Variants in DCC observed in about 807,000 individuals in gnomAD.
DCC encodes netrin receptor DCC.
DCC carries 58 observed loss-of-function variants against 172.5 expected under a neutral mutation model. The ratio of observed to expected loss-of-function variants is 0.34; its 90% CI spans 0.27 to 0.42. The LOEUF (loss-of-function observed/expected upper bound fraction) is 0.42, where lower values mean the gene tolerates loss of function less well. Among genes scored for constraint, DCC ranks in the 10% least tolerant of loss-of-function variants. DCC has a pLI of 1.00. For missense variants in DCC, 1,740 were observed against 1,791.0 expected, an observed-to-expected ratio of 0.97 and a Z score of 0.51; for synonymous variants, 709 against 644.5, an observed-to-expected ratio of 1.10 and a Z score of -1.52.
intron 2 of DCC, among the ~76,000 whole-genome samples, chr18:52,890,663 T>C (rs574534623): frequency 2.8e-4 from 43 of 152,258 alleles, no homozygotes; most frequent in African/African-American, 9.9e-4. Flanking sequence ...TAGTTCTATA[T>C]CTAAGACTCA....
At chr18:52,437,480 G>T (rs1282819663) in intron 1 of DCC, among the ~76,000 whole-genome samples, 1 of 152,142 alleles carries the variant, frequency 6.6e-6, no homozygotes, top group African/African-American at 2.4e-5. Context: ...ATAGTGAAAA[G>T]GTTGAGGGGC....
intron 3 of DCC, among the ~76,000 whole-genome samples, chr18:52,919,370 C>CT (rs1237728532): frequency 2.6e-5 from 4 of 152,296 alleles, no homozygotes; most frequent in African/African-American, 9.6e-5. Flanking sequence ...GTATGAACTA[C>CT]TTACTATTAA....
At chr18:52,868,646 T>G (rs373570223) in intron 2 of DCC, among the ~76,000 whole-genome samples, 1 of 152,230 alleles carries the variant, frequency 6.6e-6, no homozygotes, top group Non-Finnish European at 1.5e-5. Flanking sequence ...GTCATTTTCA[T>G]GACTGTGAAG....
chr18:52,527,140 A>G (rs913559152), intron 1 of DCC, among the ~76,000 whole-genome samples: 4 of 152,200 alleles, frequency 2.6e-5, no homozygotes, highest in Non-Finnish European at 5.9e-5. Flanking sequence ...ATTACAAATG[A>G]TTCTGTTCCC....
intron 7 of DCC, among the ~76,000 whole-genome samples, chr18:53,100,989 C>T (rs1157132952): frequency 6.6e-6 from 1 of 152,024 alleles, no homozygotes; most frequent in African/African-American, 2.4e-5. Flanking sequence ...AGACATGCAC[C>T]CTTTAATCCT....
rs1283840093 is a variant in DCC at position 53,062,878 on chromosome 18, A to G, written c.986-427A>G. ...CACATTAATCCTAATGAAACTCTAG[A>G]ATTACAGGACAACTGAGCTTTCTTA... On this transcript the variant is annotated intron_variant, in intron 5 of 28. Transcript: ENST00000442544. Among the ~76,000 whole-genome samples the G allele has an allele frequency of 2.0e-5, 3 of 152,140 alleles. No homozygotes were observed. In the East Asian group the frequency reaches 5.8e-4, roughly 29 times the overall value.
intron 2 of DCC, among the ~76,000 whole-genome samples, chr18:52,886,056 C>T (rs1455372885): frequency 1.3e-5 from 2 of 151,760 alleles, no homozygotes; most frequent in African/African-American, 4.8e-5. Context: ...TTCCTCTTCT[C>T]TCTCCTCACC....
At chr18:53,068,012 G>C (rs920755260) in intron 7 of DCC, among the ~76,000 whole-genome samples, 1 of 152,028 alleles carries the variant, frequency 6.6e-6, no homozygotes, top group Non-Finnish European at 1.5e-5. Context: ...AATAACTATA[G>C]AACAACAATA....
chr18:52,423,117 T>A (rs1192311449), intron 1 of DCC, among the ~76,000 whole-genome samples: 1 of 152,162 alleles, frequency 6.6e-6, no homozygotes, highest in Non-Finnish European at 1.5e-5. Flanking sequence ...TGTATGGTAC[T>A]TACATGTGTC....
chr18:53,196,715 C>T lies in DCC; in HGVS notation c.1574-8501C>T, dbSNP rs113324524. On this transcript the variant is annotated intron_variant, in intron 9 of 28. Coordinates refer to ENST00000442544, the MANE Select transcript of DCC (RefSeq NM_005215.4). ...GTGTGTGTTTATCCATATCTGCATC[C>T]GTTCTATATATATTTATACACACAT... Among the ~76,000 whole-genome samples, 279 of 152,038 alleles carry T rather than the reference C, an allele frequency of 1.8e-3. 2 individuals are homozygous for T. The highest frequency in any genetic ancestry group is 6.3e-3 in the African/African-American group (263 of 41,518).
chr18:52,675,787 T>G (rs1415919705), intron 1 of DCC, among the ~76,000 whole-genome samples: 1 of 152,200 alleles, frequency 6.6e-6, no homozygotes, highest in Non-Finnish European at 1.5e-5. Context: ...AGAAAAAGAT[T>G]TCTGTTTAGA....
intron 20 of DCC, among the ~76,000 whole-genome samples, chr18:53,415,678 A>G (rs1269002491): frequency 6.6e-6 from 1 of 152,140 alleles, no homozygotes; most frequent in Non-Finnish European, 1.5e-5. Context: ...TACCATATTT[A>G]TGGTTGCCAA....
intron 7 of DCC, among the ~76,000 whole-genome samples, chr18:53,140,117 A>C (rs2043808172): frequency 6.6e-6 from 1 of 152,220 alleles, no homozygotes; most frequent in East Asian, 1.9e-4. Flanking sequence ...TTTTAGTTTA[A>C]GAAGACAAAC....
At chr18:52,879,264 C>CT (rs1219710581) in intron 2 of DCC, among the ~76,000 whole-genome samples, 2 of 152,014 alleles carry the variant, frequency 1.3e-5, no homozygotes, top group Non-Finnish European at 2.9e-5. Flanking sequence ...AAAGTGCCCC[C>CT]TGGGGCTGTG....
rs142972802 is a variant in DCC at position 53,078,702 on chromosome 18, ATGCACAGC to A, written c.1261+12539_1261+12546del. On this transcript the variant is annotated intron_variant, in intron 7 of 28. Transcript: ENST00000442544. ...TTAATCAGCCTAAATAGTATAGGCA[ATGCACAGC>A]TGTCTTTGTTATTTTGTGTTGACAA... Among the ~76,000 whole-genome samples the A allele has an allele frequency of 5.1e-3, 779 of 152,318 alleles. 6 individuals are homozygous for A. The highest frequency in any genetic ancestry group is 0.022 in the Admixed American group (341 of 15,274).
chr18:52,986,423 AT>A (rs2041293791), intron 5 of DCC, among the ~76,000 whole-genome samples: 1 of 152,070 alleles, frequency 6.6e-6, no homozygotes, highest in African/African-American at 2.4e-5. Flanking sequence ...TTTACTTTAA[AT>A]CTCTGAGTCT....
At chr18:53,020,193 C>A (rs1286916405) in intron 5 of DCC, among the ~76,000 whole-genome samples, 2 of 152,046 alleles carry the variant, frequency 1.3e-5, no homozygotes, top group Non-Finnish European at 2.9e-5. Context: ...TAATGTGACA[C>A]TTTCAAATAA....
intron 5 of DCC, among the ~76,000 whole-genome samples, chr18:52,941,502 G>A (rs72926110): frequency 4.9e-4 from 73 of 148,966 alleles, no homozygotes; most frequent in South Asian, 8.4e-4. Flanking sequence ...GTGTGTGTGT[G>A]TATATATATA....
intron 12 of DCC, among the ~76,000 whole-genome samples, chr18:53,222,651 G>A (rs1178689861): frequency 3.4e-5 from 5 of 148,988 alleles, no homozygotes; most frequent in Non-Finnish European, 7.4e-5. Flanking sequence ...CTCCCAAAAT[G>A]CTAAGATTAC....
Sources: allele counts gnomAD v4.1 joint callset (sites outside exome capture counted in the v4.1 genomes callset), GRCh38; gene constraint gnomAD v4.1.1; transcripts MANE v1.5; gene names NCBI Gene and HGNC (gene_info 2026-07-23, HGNC 2026-07-21).